Variants in FAM117B observed in about 807,000 individuals in gnomAD.
FAM117B encodes the protein family with sequence similarity 117 member B.
Under a neutral mutation model 52.8 loss-of-function variants are expected in FAM117B, and 22 were observed. The ratio of observed to expected loss-of-function variants is 0.42; its 90% CI spans 0.30 to 0.59. The LOEUF (loss-of-function observed/expected upper bound fraction) is 0.59, where lower values mean the gene tolerates loss of function less well. FAM117B is among the 20% of genes least tolerant of loss of function. The pLI, the probability that FAM117B is intolerant of heterozygous loss-of-function variation, is 0.22. For synonymous variants in FAM117B, 309 were observed against 324.1 expected, an observed-to-expected ratio of 0.95 and a Z score of 0.50; for missense variants, 678 against 802.6, an observed-to-expected ratio of 0.84 and a Z score of 1.88.
At chr2:202,676,948 A>C (rs1337023453) in intron 1 of FAM117B, among the ~76,000 whole-genome samples, 1 of 152,158 alleles carries the variant, frequency 6.6e-6, no homozygotes, top group Non-Finnish European at 1.5e-5. Flanking sequence ...CGGAGGAAGG[A>C]GAATTCTTAT....
At chr2:202,678,739 G>A (rs1353145166) in intron 1 of FAM117B, among the ~76,000 whole-genome samples, 2 of 152,120 alleles carry the variant, frequency 1.3e-5, no homozygotes, top group African/African-American at 4.8e-5. Context: ...TATTTTTTTA[G>A]TAGAGACGGG....
intron 2 of FAM117B, among the ~76,000 whole-genome samples, chr2:202,702,614 C>T (rs1229585602): frequency 6.6e-6 from 1 of 151,964 alleles, no homozygotes; most frequent in African/African-American, 2.4e-5. Context: ...AGTGCAGTGG[C>T]ACAGTCTCAG....
intron 2 of FAM117B, among the ~76,000 whole-genome samples, chr2:202,705,729 A>C (rs140637348): frequency 6.6e-6 from 1 of 152,184 alleles, no homozygotes; most frequent in Non-Finnish European, 1.5e-5. Flanking sequence ...CGTTAGACTA[A>C]TTTATATTTC....
chr2:202,763,885 C>T (rs1283827622), intron 7 of FAM117B, among the ~76,000 whole-genome samples: 1 of 152,222 alleles, frequency 6.6e-6, no homozygotes, highest in Non-Finnish European at 1.5e-5. Flanking sequence ...CAAAACCCAG[C>T]TCAGAGGGTT....
chr2:202,646,950 T>C (rs181546668), intron 1 of FAM117B, among the ~76,000 whole-genome samples: 1 of 152,312 alleles, frequency 6.6e-6, no homozygotes, highest in Admixed American at 6.5e-5. Context: ...AGCCAGCTTT[T>C]AAGACTAAAC....
chr2:202,736,127 T>C (rs1691434608), intron 4 of FAM117B, among the ~76,000 whole-genome samples: 1 of 152,320 alleles, frequency 6.6e-6, no homozygotes, highest in Non-Finnish European at 1.5e-5. Flanking sequence ...GGAAGGTGCA[T>C]TGTAATTTGA....
intron 2 of FAM117B, among the ~76,000 whole-genome samples, chr2:202,701,105 T>C (rs981478554): frequency 1.3e-5 from 2 of 152,210 alleles, no homozygotes; most frequent in African/African-American, 4.8e-5. Context: ...GCCAACTCTC[T>C]TGTTAGGGGC....
chr2:202,642,556 C>T (rs926329752), intron 1 of FAM117B, among the ~76,000 whole-genome samples: 1 of 151,914 alleles, frequency 6.6e-6, no homozygotes. Context: ...TAATTGATAA[C>T]AGTGAGGAGA....
intron 2 of FAM117B, among the ~76,000 whole-genome samples, chr2:202,715,152 G>A (rs1246370520): frequency 6.6e-6 from 1 of 150,592 alleles, no homozygotes; most frequent in East Asian, 2.0e-4. Flanking sequence ...GCGGCTGGCC[G>A]GGCAGGGGCT....
Position 202,765,715 on chromosome 2 carries a change from C to G in FAM117B, c.1721C>G (p.Ser574Ter), listed in dbSNP as rs1363564202. ...VSRGTSTVMP[S>*]ASLLPPPEPI... ...CGAGGAACAAGTACAGTCATGCCAT[C>G]AGCTTCTCTACTCCCACCACCAGAA... The change falls in exon 8 of 8, where the codon TCA becomes TGA. Residue 574 changes from serine (S) to a stop codon, truncating the protein, a stop_gained. Transcript: ENST00000392238. LOFTEE classifies it high-confidence loss of function. The G allele has an allele frequency of 6.2e-7, 1 of 1,614,150 alleles. No individual in the cohort carries two copies. Among genetic ancestry groups the G allele is most frequent in the African/African-American group, 1.3e-5 (1 of 75,020 alleles).
intron 2 of FAM117B, among the ~76,000 whole-genome samples, chr2:202,713,737 C>T (rs1377295262): frequency 2.6e-5 from 4 of 151,998 alleles, no homozygotes; most frequent in East Asian, 1.9e-4. Context: ...GAAGGAGTTT[C>T]GCTCTGTTGC....
At chr2:202,695,055 G>A (rs114027127) in intron 1 of FAM117B, among the ~76,000 whole-genome samples, 3,431 of 152,226 alleles carry the variant, frequency 0.023, 124 homozygotes, top group African/African-American at 0.077. Flanking sequence ...ACAAGAAGGA[G>A]ATCCAAATAA....
At chr2:202,685,366 A>G (rs1428967930) in intron 1 of FAM117B, among the ~76,000 whole-genome samples, 2 of 152,220 alleles carry the variant, frequency 1.3e-5, no homozygotes, top group Admixed American at 1.3e-4. Context: ...AACTAGGACT[A>G]GACGTCAACC....
rs1689840592 is a variant in FAM117B, at chr2:202,645,165, C to G, written c.601+9377C>G. Among the ~76,000 whole-genome samples, 3 of 152,042 alleles carry G rather than the reference C, an allele frequency of 2.0e-5. No individual in the cohort carries two copies. In the South Asian group the frequency reaches 6.2e-4, roughly 31 times the overall value. On this transcript the variant is annotated intron_variant, in intron 1 of 7. Transcript: ENST00000392238. ...TATATTTTCTTTTAAAAAATAGAGA[C>G]TGAGTCTCGCTGTATTGCCCAGGCT...
intron 1 of FAM117B, among the ~76,000 whole-genome samples, chr2:202,666,881 G>A (rs1352528180): frequency 6.6e-6 from 1 of 151,706 alleles, no homozygotes; most frequent in Non-Finnish European, 1.5e-5. Context: ...TCCTGACCTC[G>A]TGATCCACCT....
intron 1 of FAM117B, among the ~76,000 whole-genome samples, chr2:202,687,241 A>T (rs750769950): frequency 2.0e-4 from 30 of 152,222 alleles, no homozygotes; most frequent in Non-Finnish European, 4.0e-4. Context: ...AAAAAAGCAA[A>T]ACTAACCTTT....
At chr2:202,721,031 C>A (rs542725573) in intron 2 of FAM117B, among the ~76,000 whole-genome samples, 1 of 152,176 alleles carries the variant, frequency 6.6e-6, no homozygotes, top group Non-Finnish European at 1.5e-5. Flanking sequence ...ATACATTTTT[C>A]TGCAACCTTG....
At chr2:202,664,651 C>G (rs541470554) in intron 1 of FAM117B, among the ~76,000 whole-genome samples, 1 of 152,032 alleles carries the variant, frequency 6.6e-6, no homozygotes, top group Non-Finnish European at 1.5e-5. Context: ...ATGATTGAGT[C>G]CTGTTTAAAA....
At position 202,768,574 on chromosome 2, in the gene FAM117B, G is replaced by A. The variant is rs1692022760; in HGVS notation, c.*2810G>A. The A allele has an allele frequency of 6.6e-6, 1 of 152,190 alleles. No homozygotes were observed. Among genetic ancestry groups the A allele is most frequent in the Non-Finnish European group, 1.5e-5 (1 of 67,942 alleles). 9.4% of individuals were successfully genotyped at this position (152,190 alleles called of 1,614,324 possible). ...GTCTTGAAAAAAATATTAACCATAG[G>A]TTCATTCAGCTGTTTTATTTAACCC... On this transcript the variant is annotated 3_prime_UTR_variant, in exon 8 of 8. Transcript: ENST00000392238.
Sources: allele counts gnomAD v4.1 joint callset (sites outside exome capture counted in the v4.1 genomes callset), GRCh38; gene constraint gnomAD v4.1.1; transcripts MANE v1.5; gene names NCBI Gene and HGNC (gene_info 2026-07-23, HGNC 2026-07-21).